Variants in ANKRD11 observed in about 807,000 individuals in gnomAD.
The protein encoded by ANKRD11 is ankyrin repeat domain 11, also known as ankyrin repeat domain-containing protein 11.
In ANKRD11, 17 loss-of-function variants were observed where a neutral mutation model predicts 195.7. The observed-to-expected ratio is 0.09, with a 90% CI of 0.06 to 0.13. The LOEUF (loss-of-function observed/expected upper bound fraction) is 0.13. ANKRD11 is among the 10% of genes least tolerant of loss of function. ANKRD11 has a pLI of 1.00. For missense variants in ANKRD11, 3,735 were observed against 3,566.1 expected (o/e 1.05, Z -1.21); for synonymous variants, 1,953 against 1,528.1 (o/e 1.28, Z -6.49).
chr16:89,322,146 C>T (rs1238097089), intron 2 of ANKRD11, among the ~76,000 whole-genome samples: 1 of 152,212 alleles, frequency 6.6e-6, no homozygotes, highest in Non-Finnish European at 1.5e-5. Context: ...TTCAACTGCA[C>T]AGGAGGCTGG....
At chr16:89,354,645 G>C (rs995284224) in intron 2 of ANKRD11, among the ~76,000 whole-genome samples, 1 of 152,206 alleles carries the variant, frequency 6.6e-6, no homozygotes, top group African/African-American at 2.4e-5. Flanking sequence ...ACTTTGGGAG[G>C]CCGAGGCAGG....
intron 2 of ANKRD11, among the ~76,000 whole-genome samples, chr16:89,362,265 C>T (rs2039763601): frequency 1.3e-5 from 2 of 152,206 alleles, no homozygotes; most frequent in Admixed American, 6.5e-5. Context: ...GGGATCTCAG[C>T]GTAAGCAGCT....
chr16:89,379,705 C>T lies in ANKRD11; in HGVS notation c.-60+38579G>A, dbSNP rs1214094510. Among the ~76,000 whole-genome samples, 8 of 152,192 alleles carry T rather than the reference C, an allele frequency of 5.3e-5. No homozygotes were observed. The South Asian group carries it at 1.0e-3, about 20-fold the overall frequency. ...CGCCCCAAGCAGCACGGAAGAGCTC[C>T]GTGCAGTGCACGGATTTGCGAAGAA... On this transcript the variant is annotated intron_variant, in intron 2 of 12. Transcript: ENST00000301030.
At chr16:89,465,944 T>G (rs1202990241) in intron 1 of ANKRD11, among the ~76,000 whole-genome samples, 2 of 152,124 alleles carry the variant, frequency 1.3e-5, no homozygotes, top group African/African-American at 2.4e-5. Context: ...TCTCCTGACC[T>G]CATGATCTGC....
At chr16:89,471,496 A>T (rs973697525) in intron 1 of ANKRD11, among the ~76,000 whole-genome samples, 3 of 151,728 alleles carry the variant, frequency 2.0e-5, no homozygotes, top group Admixed American at 1.3e-4. Flanking sequence ...GGAGACACTT[A>T]AGATATGATT....
chr16:89,285,579 G>A lies in ANKRD11; in HGVS notation c.963C>T (p.Ser321=), dbSNP rs757230977. The A allele has an allele frequency of 3.8e-5, 62 of 1,613,960 alleles. No individual in the cohort carries two copies. The highest frequency in any genetic ancestry group is 6.7e-5 in the East Asian group (3 of 44,892). The change falls in exon 9 of 13, where the codon TCC becomes TCT. Residue 321 remains serine (S), a synonymous_variant. Coordinates refer to ENST00000301030, the MANE Select transcript of ANKRD11 (RefSeq NM_013275.6). The surrounding 1 kb of genome is among the most constrained non-coding windows in gnomAD (Gnocchi z 5.6). Reference sequence around the variant, plus strand: ...TGTGCTTGAGGCCTTTTTCGAACTCGGAGTCCGTGTTGTTGCCGTCGACTG... The same window carrying A: ...TGTGCTTGAGGCCTTTTTCGAACTCAGAGTCCGTGTTGTTGCCGTCGACTG... ...SSSVDGNNTD[S]EFEKGLKHKA...
intron 2 of ANKRD11, among the ~76,000 whole-genome samples, chr16:89,353,944 A>C (rs1401327512): frequency 6.6e-6 from 1 of 152,246 alleles, no homozygotes; most frequent in Non-Finnish European, 1.5e-5. Flanking sequence ...GGCGGCGGGC[A>C]GAGATGGAGA....
At position 89,352,531 on chromosome 16, in the gene ANKRD11, C is replaced by T. The variant is rs577959304; in HGVS notation, c.-59-35453G>A. ...CTTCTGGCAAGCTCAACACAGTGAG[C>T]GAGCCCTGCCCCCAAGAGTGAGGCC... On this transcript the variant is annotated intron_variant, in intron 2 of 12. Transcript: ENST00000301030. Among the ~76,000 whole-genome samples, 7 of 152,280 alleles carry T rather than the reference C, an allele frequency of 4.6e-5. No individual in the cohort carries two copies. In the South Asian group the frequency reaches 8.3e-4, roughly 18 times the overall value.
intron 2 of ANKRD11, among the ~76,000 whole-genome samples, chr16:89,413,310 A>C (rs1020192596): frequency 1.3e-5 from 2 of 152,190 alleles, no homozygotes; most frequent in African/African-American, 4.8e-5. Flanking sequence ...CTGTTTCTAA[A>C]TCTTAACAAA....
rs748114867 is a variant in ANKRD11, at chr16:89,280,653, G to C, written c.5889C>G (p.Ile1963Met). 1.2e-5 allele frequency: 19 copies of C among 1,613,474 alleles called. No homozygotes were observed. Among genetic ancestry groups the C allele is most frequent in the Non-Finnish European group, 1.5e-5 (18 of 1,179,958 alleles). The change falls in exon 9 of 13, where the codon ATC (isoleucine) becomes ATG (methionine). Residue 1963 changes from isoleucine to methionine, a missense_variant. By Grantham distance (10) the Ile-to-Met change is conservative. Coordinates refer to ENST00000301030, the MANE Select transcript of ANKRD11 (RefSeq NM_013275.6). The part of the protein sequence containing the change: ...PSEQALASSL[I>M]GGTSENPVSW... Reference sequence around the variant, plus strand: ...TCACAGGGTTTTCAGAGGTGCCCCCGATCAGGCTAGAGGCAAGCGCCTGCT... The same window carrying C: ...TCACAGGGTTTTCAGAGGTGCCCCCCATCAGGCTAGAGGCAAGCGCCTGCT...
chr16:89,290,223 T>TGCC (rs2034938737), intron 6 of ANKRD11, among the ~76,000 whole-genome samples: 1 of 131,260 alleles, frequency 7.6e-6, no homozygotes, highest in Non-Finnish European at 1.6e-5. Flanking sequence ...ACGGCTCCAA[T>TGCC]GGGGGAGGCT....
chr16:89,320,727 G>C (rs2037264390), intron 2 of ANKRD11, among the ~76,000 whole-genome samples: 1 of 152,248 alleles, frequency 6.6e-6, no homozygotes, highest in Admixed American at 6.5e-5. Flanking sequence ...CCCCGCATCT[G>C]TGCCAAAATA....
At chr16:89,374,447 G>A (rs1208128198) in intron 2 of ANKRD11, among the ~76,000 whole-genome samples, 1 of 152,124 alleles carries the variant, frequency 6.6e-6, no homozygotes. Context: ...TGTACATCCA[G>A]AAAAGCCTAA....
intron 3 of ANKRD11, among the ~76,000 whole-genome samples, chr16:89,311,826 T>C (rs1172442747): frequency 2.0e-5 from 3 of 152,042 alleles, no homozygotes; most frequent in African/African-American, 7.2e-5. Flanking sequence ...TTTCTTGGCT[T>C]TTTCTTTCTT....
intron 10 of ANKRD11, 65 bp downstream of exon 10, chr16:89,275,028 C>A: frequency 6.2e-7 from 1 of 1,613,024 alleles, no homozygotes; most frequent in South Asian, 1.1e-5. Context: ...ACACGACAGC[C>A]CCTGGGGCCT....
chr16:89,303,174 T>C (rs1054158358), intron 4 of ANKRD11, among the ~76,000 whole-genome samples: 1 of 152,178 alleles, frequency 6.6e-6, no homozygotes, highest in African/African-American at 2.4e-5. Flanking sequence ...CTTGTCTCAT[T>C]AACCCTTTCA....
intron 10 of ANKRD11, 55 bp from the exon 11 acceptor site, chr16:89,275,012 C>A: frequency 6.2e-7 from 1 of 1,612,076 alleles, no homozygotes; most frequent in East Asian, 2.2e-5. Flanking sequence ...CCAGGCCCCA[C>A]TGTCAACACG....
In ANKRD11 at chr16:89,278,759, G is replaced by A. The variant is rs751424603; in HGVS notation, c.7470+313C>T. 3 of 564,812 alleles carry A rather than the reference G, an allele frequency of 5.3e-6. No individual in the cohort carries two copies. The Admixed American group carries it at 6.6e-5, about 12-fold the overall frequency. The allele number at this position is 564,812 out of a possible 1,614,324, so 35.0% of individuals were successfully genotyped here. A position where few individuals can be genotyped will look rare whatever the true frequency, so the allele number is the denominator to read the frequency against. ...GTCCTGGTGGACGGGGAGTGGAGAG[G>A]GGAGAGTGAGCGGCGTGAAGGGGGA... On this transcript the variant is annotated intron_variant, in intron 9 of 12. Transcript: ENST00000301030.
chr16:89,456,339 A>G (rs2965812), intron 1 of ANKRD11, among the ~76,000 whole-genome samples: 140,360 of 151,598 alleles, frequency 0.93, 65,152 homozygotes, highest in East Asian at 1. Flanking sequence ...ACTTGAGGTC[A>G]GGAGTTCGAG....
Sources: allele counts gnomAD v4.1 joint callset (sites outside exome capture counted in the v4.1 genomes callset), GRCh38; gene constraint gnomAD v4.1.1; non-coding constraint Gnocchi (gnomAD v3.1); transcripts MANE v1.5; gene names NCBI Gene and HGNC (gene_info 2026-07-23, HGNC 2026-07-21).